Variants in PALS1 observed in about 807,000 individuals in gnomAD.
PALS1 encodes protein associated with LIN7 1, MAGUK p55 family member.
Under a neutral mutation model 78.9 loss-of-function variants are expected in PALS1, and 31 were observed. The ratio of observed to expected loss-of-function variants is 0.39; its 90% CI spans 0.30 to 0.53. The LOEUF is 0.53. Among genes scored for constraint, PALS1 ranks in the 20% least tolerant of loss-of-function variants. The pLI, the probability that PALS1 is intolerant of heterozygous loss-of-function variation, is 0.67. For synonymous variants in PALS1, 276 were observed against 270.9 expected, an observed-to-expected ratio of 1.02 and a Z score of -0.18; for missense variants, 704 against 826.5, an observed-to-expected ratio of 0.85 and a Z score of 1.82.
At chr14:67,248,638 T>G (rs2084020223) in intron 1 of PALS1, among the ~76,000 whole-genome samples, 1 of 152,104 alleles carries the variant, frequency 6.6e-6, no homozygotes, top group South Asian at 2.1e-4. Flanking sequence ...AAGGCAGGGG[T>G]CAACAACTTT....
intron 14 of PALS1, among the ~76,000 whole-genome samples, 157 bp from the exon 15 acceptor site, chr14:67,332,623 T>C (rs1238638916): frequency 3.3e-5 from 5 of 152,286 alleles, no homozygotes; most frequent in Admixed American, 1.3e-4. Context: ...AAGGTAACCA[T>C]TGTGGCCGTG....
Position 67,279,221 on chromosome 14 carries a change from A to G in PALS1, c.51A>G (p.Glu17=), listed in dbSNP as rs756259454. The change falls in exon 3 of 15, where the codon GAA becomes GAG. Residue 17 remains glutamate (E), a synonymous_variant. Coordinates refer to ENST00000261681, the MANE Select transcript of PALS1 (RefSeq NM_022474.4). ...ATGTTACAGAGGAATCAGACAGCGAAGTAAAAAATGTTGATCTTGCATCAC... is the reference window on the plus strand; with the variant it reads ...ATGTTACAGAGGAATCAGACAGCGAGGTAAAAAATGTTGATCTTGCATCAC... ...NGHVTEESDS[E]VKNVDLASPE... 2.5e-6 allele frequency: 4 copies of G among 1,612,456 alleles called. No individual in the cohort carries two copies. The African/African-American group carries it at 5.3e-5, about 22-fold the overall frequency.
chr14:67,333,987 A>G lies in PALS1; in HGVS notation c.*1031A>G, dbSNP rs1236360868. ...GAATATAGCTGCTGTACTGTATATT[A>G]ATATTTAATAGATCAACAAATGGTC... is the stretch of plus-strand genomic sequence containing the variant. On this transcript the variant is annotated 3_prime_UTR_variant, in exon 15 of 15. Coordinates refer to ENST00000261681, the MANE Select transcript of PALS1 (RefSeq NM_022474.4). 1 of 152,618 alleles carries G rather than the reference A, an allele frequency of 6.6e-6. No homozygotes were observed. The highest frequency in any genetic ancestry group is 1.5e-5 in the Non-Finnish European group (1 of 68,018). 9.5% of individuals were successfully genotyped at this position (152,618 alleles called of 1,614,324 possible).
Position 67,279,067 on chromosome 14 carries a change from T to TG in PALS1, c.-104_-103insG. ...TAGCATTATTATGTGATGTGAGAAG[T>TG]TTTTTTTTTTGAAGTAACATGGATT... On this transcript the variant is annotated 5_prime_UTR_variant, in exon 3 of 15. Coordinates refer to ENST00000261681, the MANE Select transcript of PALS1 (RefSeq NM_022474.4). 1 of 681,478 alleles carries TG rather than the reference T, an allele frequency of 1.5e-6. No homozygotes were observed. 42.2% of individuals were successfully genotyped at this position (681,478 alleles called of 1,614,324 possible). A position where few individuals can be genotyped will look rare whatever the true frequency, so the allele number is the denominator to read the frequency against.
At chr14:67,259,339 G>A (rs751916869) in intron 1 of PALS1, among the ~76,000 whole-genome samples, 1 of 151,778 alleles carries the variant, frequency 6.6e-6, no homozygotes, top group African/African-American at 2.4e-5. Context: ...GGCTGGGGGC[G>A]GTGGCTCACA....
Position 67,281,389 on chromosome 14 carries a change from A to AT in PALS1, c.367+1859dup, listed in dbSNP as rs908662218. Among the ~76,000 whole-genome samples the AT allele has an allele frequency of 7.2e-5, 11 of 152,228 alleles. No individual in the cohort carries two copies. The East Asian group carries it at 1.7e-3, about 24-fold the overall frequency. ...ATTACAGTGAAAGCTAAAAGATTACATTTTTTTAATACCTTTATGTGAAAG... is the reference window on the plus strand; with the variant it reads ...ATTACAGTGAAAGCTAAAAGATTACATTTTTTTTAATACCTTTATGTGAAAG... On this transcript the variant is annotated intron_variant, in intron 3 of 14. Coordinates refer to ENST00000261681, the MANE Select transcript of PALS1 (RefSeq NM_022474.4).
chr14:67,282,224 G>T (rs774974613), intron 3 of PALS1, among the ~76,000 whole-genome samples: 5 of 152,018 alleles, frequency 3.3e-5, no homozygotes, highest in Non-Finnish European at 7.4e-5. Context: ...TTCATAATCT[G>T]CTAACACATC....
At chr14:67,320,164 G>T in intron 11 of PALS1, 66 bp from the exon 12 acceptor site, 2 of 1,419,852 alleles carry the variant, frequency 1.4e-6, no homozygotes, top group South Asian at 3.0e-5. Context: ...GAAGATCTAT[G>T]AGTATTTATA....
chr14:67,311,310 CAAAAAA>C (rs1164347381), intron 8 of PALS1, among the ~76,000 whole-genome samples: 2 of 63,954 alleles, frequency 3.1e-5, no homozygotes, highest in Admixed American at 3.1e-4. Flanking sequence ...GACTCCGTCT[CAAAAAA>C]AAAAAAAAAA....
intron 1 of PALS1, among the ~76,000 whole-genome samples, chr14:67,267,659 A>G (rs1184644256): frequency 6.6e-6 from 1 of 152,250 alleles, no homozygotes; most frequent in Admixed American, 6.5e-5. Flanking sequence ...TTTAAGTTTT[A>G]GTAAATTTAT....
intron 1 of PALS1, among the ~76,000 whole-genome samples, chr14:67,258,771 TTAA>T (rs368055848): frequency 1.2e-4 from 18 of 152,244 alleles, no homozygotes; most frequent in African/African-American, 4.1e-4. Flanking sequence ...GTAATAGTTC[TTAA>T]TAAGTTATTT....
rs747788122 is a variant in PALS1, at chr14:67,312,602, T to C, written c.1117T>C (p.Phe373Leu). Residue 373 changes from phenylalanine (F) to leucine (L), a missense_variant, in exon 9 of 15, where the codon TTT becomes CTT. Physicochemically the swap from Phe to Leu is conservative, Grantham distance 22. Coordinates refer to ENST00000261681, the MANE Select transcript of PALS1 (RefSeq NM_022474.4). ...YVPCRELGLS[F>L]QKGDILHVIS... The stretch of plus-strand genomic sequence containing the variant: ...TCCATGTCGAGAGTTAGGTCTGTCT[T>C]TTCAAAAAGGTGATATACTTCATGT... 1.9e-6 allele frequency: 3 copies of C among 1,613,866 alleles called. No individual in the cohort carries two copies. Among genetic ancestry groups the C allele is most frequent in the Non-Finnish European group, 2.5e-6 (3 of 1,179,850 alleles).
At chr14:67,273,221 CTTGTCA>C (rs1411173401) in intron 2 of PALS1, among the ~76,000 whole-genome samples, 2 of 151,576 alleles carry the variant, frequency 1.3e-5, no homozygotes, top group African/African-American at 4.9e-5. Flanking sequence ...CACCCATTAA[CTTGTCA>C]TTTACATTAG....
At chr14:67,266,829 G>A (rs1327677342) in intron 1 of PALS1, among the ~76,000 whole-genome samples, 1 of 152,016 alleles carries the variant, frequency 6.6e-6, no homozygotes, top group Non-Finnish European at 1.5e-5. Flanking sequence ...TCGTTTCTTG[G>A]CTGGGCACAG....
At chr14:67,245,791 TATTA>T (rs955447338) in intron 1 of PALS1, among the ~76,000 whole-genome samples, 2 of 152,160 alleles carry the variant, frequency 1.3e-5, no homozygotes, top group Admixed American at 1.3e-4. Flanking sequence ...AAGTCCAAAT[TATTA>T]ATTTTTAAAA....
At chr14:67,284,574 A>AC (rs1298053305) in intron 3 of PALS1, among the ~76,000 whole-genome samples, 8 of 144,914 alleles carry the variant, frequency 5.5e-5, no homozygotes, top group African/African-American at 2.0e-4. Flanking sequence ...AAAAAAAAAA[A>AC]AAAAAAAAAA....
At chr14:67,244,206 C>T (rs2083950282) in intron 1 of PALS1, among the ~76,000 whole-genome samples, 3 of 152,100 alleles carry the variant, frequency 2.0e-5, no homozygotes, top group African/African-American at 4.8e-5. Context: ...TAATGAATAT[C>T]TTTGTGTATG....
intron 1 of PALS1, among the ~76,000 whole-genome samples, chr14:67,243,637 T>C (rs111521734): frequency 0.21 from 31,765 of 151,254 alleles, 5,033 homozygotes; most frequent in East Asian, 0.45. Flanking sequence ...GGACTACAGG[T>C]GCCCGCCACC....
chr14:67,274,232 C>A (rs1452419365), intron 2 of PALS1, among the ~76,000 whole-genome samples: 2 of 152,138 alleles, frequency 1.3e-5, no homozygotes, highest in Non-Finnish European at 2.9e-5. Context: ...CCTAGGTTTT[C>A]TTCTAGGGTT....
Sources: gnomAD v4.1 joint callset for allele counts (sites outside exome capture counted in the v4.1 genomes callset) on GRCh38, gnomAD v4.1.1 for gene constraint, MANE v1.5 for transcripts, NCBI Gene and HGNC (gene_info 2026-07-23, HGNC 2026-07-21) for gene names.